FIGNL2: variants seen among roughly 807,000 people sequenced by gnomAD.
FIGNL2 encodes fidgetin-like protein 2.
For missense variants in FIGNL2, 1,060 were observed against 950.2 expected, an observed-to-expected ratio of 1.12 and a Z score of -1.52; for synonymous variants, 565 against 484.0, an observed-to-expected ratio of 1.17 and a Z score of -2.20.
chr12:51,846,309 A>G (rs960257367), intron 1 of FIGNL2, among the ~76,000 whole-genome samples: 1 of 152,150 alleles, frequency 6.6e-6, no homozygotes, highest in African/African-American at 2.4e-5. Context: ...GATGCGGAGG[A>G]GGTGCGCATC....
intron 1 of FIGNL2, chr12:51,847,222 G>A: frequency 2.0e-6 from 2 of 985,432 alleles, no homozygotes; most frequent in Non-Finnish European, 2.4e-6. Context: ...GGCTCCGGGA[G>A]GGTCTGGGAC....
At chr12:51,845,701 T>TC in intron 1 of FIGNL2, 1 of 984,292 alleles carries the variant, frequency 1.0e-6, no homozygotes, top group Non-Finnish European at 1.2e-6. Context: ...TCTCTTGCCC[T>TC]CCCTGGCTGA....
intron 1 of FIGNL2, among the ~76,000 whole-genome samples, chr12:51,844,310 C>T (rs1939708365): frequency 6.6e-6 from 1 of 152,188 alleles, no homozygotes; most frequent in Non-Finnish European, 1.5e-5. Flanking sequence ...GCCCAGCTCT[C>T]CCACTCACTA....
In FIGNL2 at chr12:51,820,719, C is replaced by G; in HGVS notation, c.1695G>C (p.Gln565His). 6.8e-7 allele frequency: 1 copy of G among 1,480,654 alleles called. No homozygotes were observed. The highest frequency in any genetic ancestry group is 2.9e-5 in the East Asian group (1 of 34,580). 91.7% of individuals were successfully genotyped at this position (1,480,654 alleles called of 1,614,324 possible). A position where few individuals can be genotyped will look rare whatever the true frequency, so the allele number is the denominator to read the frequency against. ...GCTGGGCCAGCGCCCGCTGCAGGAT[C>G]TGCCCGCGGGCCGGGCTGTCGGGCA... ...VALPDSPARG[Q>H]ILQRALAQQG... The change falls in exon 2 of 2, where the codon CAG becomes CAC. Residue 565 changes from glutamine (Q) to histidine (H), a missense_variant. Coordinates refer to ENST00000618634, the MANE Select transcript of FIGNL2 (RefSeq NM_001384995.1).
rs1233199102 is a variant in FIGNL2, at chr12:51,820,370, G to A, written c.*82C>T. The A allele has an allele frequency of 6.6e-6, 10 of 1,511,838 alleles. No homozygotes were observed. Among genetic ancestry groups the A allele is most frequent in the South Asian group, 6.1e-5 (5 of 82,068 alleles). 93.7% of individuals were successfully genotyped at this position (1,511,838 alleles called of 1,614,324 possible). On this transcript the variant is annotated 3_prime_UTR_variant, in exon 2 of 2. Coordinates refer to ENST00000618634, the MANE Select transcript of FIGNL2 (RefSeq NM_001384995.1). Reference sequence around the variant, plus strand: ...TTCACCACTCCAGCCCCTGCCAGCCGGGTTTAGTCAGTGACATCCCTCCCA... The same window carrying A: ...TTCACCACTCCAGCCCCTGCCAGCCAGGTTTAGTCAGTGACATCCCTCCCA...
At chr12:51,830,639 C>A (rs759446959) in intron 1 of FIGNL2, among the ~76,000 whole-genome samples, 4 of 151,388 alleles carry the variant, frequency 2.6e-5, no homozygotes, top group Admixed American at 6.6e-5. Flanking sequence ...TTACAGGCGC[C>A]CACCACTACA....
rs1292369457 is a variant in FIGNL2 at position 51,848,341 on chromosome 12, A to G, written c.-12+199T>C. 13 of 877,416 alleles carry G rather than the reference A, an allele frequency of 1.5e-5. No individual in the cohort carries two copies. In the African/African-American group the frequency reaches 2.6e-4, roughly 17 times the overall value. The allele number at this position is 877,416 out of a possible 1,614,324, so 54.4% of individuals were successfully genotyped here. ...GCTCTGCCCGCCCCCTCCCCCCGAG[A>G]AGTGACCCTCGGCTCCCACGTACCC... On this transcript the variant is annotated intron_variant, in intron 1 of 1. Coordinates refer to ENST00000618634, the MANE Select transcript of FIGNL2 (RefSeq NM_001384995.1).
At position 51,818,733 on chromosome 12, in the gene FIGNL2, G is replaced by T. The variant is rs767855896; in HGVS notation, c.*1719C>A. 13 of 152,490 alleles carry T rather than the reference G, an allele frequency of 8.5e-5. No homozygotes were observed. Among genetic ancestry groups the T allele is most frequent in the Non-Finnish European group, 1.9e-4 (13 of 68,300 alleles). 9.4% of individuals were successfully genotyped at this position (152,490 alleles called of 1,614,324 possible). ...GGAGAGAGAAAAAGTGGTGGTGGGGGGGCGTGTCCCCTGCTTTGGACTAAG... is the reference window on the plus strand; with the variant it reads ...GGAGAGAGAAAAAGTGGTGGTGGGGTGGCGTGTCCCCTGCTTTGGACTAAG... On this transcript the variant is annotated 3_prime_UTR_variant, in exon 2 of 2. Coordinates refer to ENST00000618634, the MANE Select transcript of FIGNL2 (RefSeq NM_001384995.1).
chr12:51,820,137 G>T lies in FIGNL2; in HGVS notation c.*315C>A, dbSNP rs1243528593. 2 of 376,688 alleles carry T rather than the reference G, an allele frequency of 5.3e-6. No individual in the cohort carries two copies. The highest frequency in any genetic ancestry group is 5.6e-5 in the South Asian group (2 of 35,750). 23.3% of individuals were successfully genotyped at this position (376,688 alleles called of 1,614,324 possible). A position where few individuals can be genotyped will look rare whatever the true frequency, so the allele number is the denominator to read the frequency against. On this transcript the variant is annotated 3_prime_UTR_variant, in exon 2 of 2. Transcript: ENST00000618634. ...ATAGCGAGGAGACAAAAGCGTTGTG[G>T]CAAGAGAGCAGGAGTTCTTAAGGCC...
chr12:51,830,845 G>A (rs944958153), intron 1 of FIGNL2, among the ~76,000 whole-genome samples: 1 of 152,020 alleles, frequency 6.6e-6, no homozygotes, highest in Non-Finnish European at 1.5e-5. Context: ...CTGGAGTGCA[G>A]TGGCGAGATC....
chr12:51,844,723 CAAGTGGACCCTA>C (rs1245486110), intron 1 of FIGNL2: 1 of 985,240 alleles, frequency 1.0e-6, no homozygotes. Flanking sequence ...TTCCTGGAGA[CAAGTGGACCCTA>C]AAAAAAAAGC....
rs1240714347 is a variant in FIGNL2 at position 51,819,533 on chromosome 12, CTGGA to C, written c.*915_*918del. ...TGAGTGTCTGGGAGAATTTGGTCCCCTGGATGGAGTGGGGGGGAGGGGGCAGGTG... is the reference window on the plus strand; with the variant it reads ...TGAGTGTCTGGGAGAATTTGGTCCCCTGGAGTGGGGGGGAGGGGGCAGGTG... On this transcript the variant is annotated 3_prime_UTR_variant, in exon 2 of 2. Coordinates refer to ENST00000618634, the MANE Select transcript of FIGNL2 (RefSeq NM_001384995.1). 1 of 152,666 alleles carries C rather than the reference CTGGA, an allele frequency of 6.6e-6. No individual in the cohort carries two copies. Among genetic ancestry groups the C allele is most frequent in the Non-Finnish European group, 1.5e-5 (1 of 68,082 alleles). 9.5% of individuals were successfully genotyped at this position (152,666 alleles called of 1,614,324 possible).
chr12:51,830,082 A>G (rs1437293207), intron 1 of FIGNL2, among the ~76,000 whole-genome samples: 1 of 152,108 alleles, frequency 6.6e-6, no homozygotes, highest in African/African-American at 2.4e-5. Flanking sequence ...TGAGGTCGGG[A>G]GTTCGAGACC....
intron 1 of FIGNL2, among the ~76,000 whole-genome samples, chr12:51,829,833 G>A (rs1939418640): frequency 1.3e-5 from 2 of 151,666 alleles, no homozygotes; most frequent in African/African-American, 4.8e-5. Flanking sequence ...GAGGGAGGGA[G>A]AGAGGGAGGA....
In FIGNL2 at chr12:51,820,370, G is replaced by C. The variant is rs1233199102; in HGVS notation, c.*82C>G. On this transcript the variant is annotated 3_prime_UTR_variant, in exon 2 of 2. Coordinates refer to ENST00000618634, the MANE Select transcript of FIGNL2 (RefSeq NM_001384995.1). ...TTCACCACTCCAGCCCCTGCCAGCC[G>C]GGTTTAGTCAGTGACATCCCTCCCA... 2.9e-5 allele frequency: 44 copies of C among 1,511,838 alleles called. No homozygotes were observed. The highest frequency in any genetic ancestry group is 2.1e-4 in the Middle Eastern group (1 of 4,740). The allele number at this position is 1,511,838 out of a possible 1,614,324, so 93.7% of individuals were successfully genotyped here.
rs1197953147 is a variant in FIGNL2, at chr12:51,820,856, C to A, written c.1558G>T (p.Gly520Trp). ...CCGTCAGCCCCCGCGCCGCAGCCCC[C>A]GTCCAGGCAGGCCAGGAGCGGCACC... ...LQVPLLACLDGGCGAGADGVL... is the reference protein window; with the variant it reads ...LQVPLLACLDWGCGAGADGVL... The change falls in exon 2 of 2, where the codon GGG becomes TGG. Residue 520 changes from glycine to tryptophan, a missense_variant. Coordinates refer to ENST00000618634, the MANE Select transcript of FIGNL2 (RefSeq NM_001384995.1). The A allele has an allele frequency of 2.2e-5, 32 of 1,448,628 alleles. No homozygotes were observed. Among genetic ancestry groups the A allele is most frequent in the African/African-American group, 5.9e-5 (4 of 67,336 alleles). The allele number at this position is 1,448,628 out of a possible 1,614,324, so 89.7% of individuals were successfully genotyped here.
chr12:51,820,932 C>G lies in FIGNL2; in HGVS notation c.1482G>C (p.Glu494Asp). The change falls in exon 2 of 2, where the codon GAG (glutamate) becomes GAC (aspartate). Residue 494 changes from glutamate (E) to aspartate (D), a missense_variant. Glu to Asp is a conservative substitution (Grantham distance 45). Coordinates refer to ENST00000618634, the MANE Select transcript of FIGNL2 (RefSeq NM_001384995.1). ...PPSVLLISEL[E>D]ALLPARDDGA... ...CGTCGTCCCGGGCGGGGAGCAGCGC[C>G]TCTAGCTCGCTGATGAGGAGTACGG... is the stretch of plus-strand genomic sequence containing the variant. 7.6e-7 allele frequency: 1 copy of G among 1,310,398 alleles called. No individual in the cohort carries two copies. Among genetic ancestry groups the G allele is most frequent in the Non-Finnish European group, 9.6e-7 (1 of 1,037,924 alleles). The allele number at this position is 1,310,398 out of a possible 1,614,324, so 81.2% of individuals were successfully genotyped here.
intron 1 of FIGNL2, among the ~76,000 whole-genome samples, chr12:51,830,900 G>T (rs1420908994): frequency 2.0e-5 from 3 of 152,142 alleles, no homozygotes; most frequent in African/African-American, 7.2e-5. Context: ...CCCCACCTCA[G>T]CCTCCTTAGC....
chr12:51,829,092 C>T (rs1226202999), intron 1 of FIGNL2, among the ~76,000 whole-genome samples: 1 of 152,218 alleles, frequency 6.6e-6, no homozygotes, highest in African/African-American at 2.4e-5. Context: ...AGCTGTGAGT[C>T]GGCTCCAGGC....
Sources: gnomAD v4.1 joint callset for allele counts (sites outside exome capture counted in the v4.1 genomes callset) on GRCh38, gnomAD v4.1.1 for gene constraint, MANE v1.5 for transcripts, NCBI Gene and HGNC (gene_info 2026-07-23, HGNC 2026-07-21) for gene names.